Variants in FAM107B observed in about 807,000 individuals in gnomAD.
FAM107B encodes the protein protein FAM107B.
FAM107B carries 21 observed loss-of-function variants against 31.5 expected under a neutral mutation model. That is an observed-to-expected ratio of 0.67 (90% CI 0.47 to 0.96). The LOEUF (loss-of-function observed/expected upper bound fraction) is 0.96. FAM107B is among the 40% of genes least tolerant of loss of function. FAM107B has a pLI of 0.00. For missense variants in FAM107B, 452 were observed against 377.1 expected, an observed-to-expected ratio of 1.20 and a Z score of -1.64; for synonymous variants, 157 against 141.5, an observed-to-expected ratio of 1.11 and a Z score of -0.78.
intron 2 of FAM107B, chr10:14,604,188 T>C (rs1487811418): frequency 1.0e-6 from 1 of 973,852 alleles, no homozygotes; most frequent in African/African-American, 1.8e-5. Flanking sequence ...GCCGCCCGCC[T>C]CCCCGCGCCC....
At chr10:14,635,137 G>A (rs1222496045) in intron 2 of FAM107B, among the ~76,000 whole-genome samples, 2 of 147,034 alleles carry the variant, frequency 1.4e-5, no homozygotes, top group Non-Finnish European at 1.5e-5. Context: ...AAGGAAGGAA[G>A]GGAGGGAGGG....
chr10:14,770,696 T>C (rs1168836327), intron 1 of FAM107B, among the ~76,000 whole-genome samples: 2 of 152,152 alleles, frequency 1.3e-5, no homozygotes, highest in African/African-American at 4.8e-5. Context: ...AGGGTTGTTA[T>C]CACTTTGGTT....
intron 2 of FAM107B, among the ~76,000 whole-genome samples, chr10:14,616,039 A>C (rs1040257241): frequency 1.2e-3 from 177 of 152,344 alleles, no homozygotes; most frequent in African/African-American, 4.1e-3. Context: ...TCCTTCAAAC[A>C]TTTTGTAACA....
intron 1 of FAM107B, among the ~76,000 whole-genome samples, chr10:14,718,375 AGAAAGAAAG>A (rs201050989): frequency 0.013 from 2,008 of 149,840 alleles, 50 homozygotes; most frequent in African/African-American, 0.046. Context: ...GGGAAAGAAA[AGAAAGAAAG>A]GAAAGAAAGG....
chr10:14,712,254 T>C (rs1855666101), intron 1 of FAM107B, among the ~76,000 whole-genome samples: 1 of 152,130 alleles, frequency 6.6e-6, no homozygotes, highest in Non-Finnish European at 1.5e-5. Context: ...TATATACATC[T>C]ACTTTATACT....
chr10:14,743,995 T>C (rs773136947), intron 1 of FAM107B, among the ~76,000 whole-genome samples: 3 of 152,334 alleles, frequency 2.0e-5, no homozygotes, highest in African/African-American at 4.8e-5. Context: ...ATATGGAATG[T>C]TTTTCCATTT....
intron 2 of FAM107B, among the ~76,000 whole-genome samples, chr10:14,565,294 G>C (rs1185012290): frequency 1.3e-5 from 2 of 152,138 alleles, no homozygotes; most frequent in East Asian, 3.8e-4. Context: ...AGGAAGCCGA[G>C]GTCACCATGA....
At chr10:14,671,872 T>TAAAAAAAAAAAAAAAAAA (rs1294969542) in intron 1 of FAM107B, among the ~76,000 whole-genome samples, 1 of 33,538 alleles carries the variant, frequency 3.0e-5, no homozygotes, top group African/African-American at 6.7e-5. Flanking sequence ...CCCTTTTATT[T>TAAAAAAAAAAAAAAAAAA]AAAAAAAAAA....
At chr10:14,609,112 G>A (rs1588656438) in intron 2 of FAM107B, among the ~76,000 whole-genome samples, 1 of 152,210 alleles carries the variant, frequency 6.6e-6, no homozygotes, top group African/African-American at 2.4e-5. Context: ...ATAAGAAAAA[G>A]ATGGGGGAAA....
intron 1 of FAM107B, among the ~76,000 whole-genome samples, chr10:14,755,411 G>A (rs200927973): frequency 2.6e-5 from 4 of 151,694 alleles, no homozygotes; most frequent in African/African-American, 9.7e-5. Context: ...CATGATGGTG[G>A]GTGCCTGTAA....
intron 2 of FAM107B, among the ~76,000 whole-genome samples, chr10:14,651,853 G>GT (rs1564614497): frequency 6.6e-6 from 1 of 152,178 alleles, no homozygotes; most frequent in Non-Finnish European, 1.5e-5. Context: ...TGGTTTGGGT[G>GT]TAAGAGAATA....
intron 1 of FAM107B, among the ~76,000 whole-genome samples, chr10:14,697,291 C>G (rs927922030): frequency 3.3e-5 from 5 of 152,190 alleles, no homozygotes; most frequent in African/African-American, 7.2e-5. Context: ...CCCAACCCAG[C>G]CTTCTCCCAA....
intron 2 of FAM107B, among the ~76,000 whole-genome samples, chr10:14,626,535 G>A (rs1293671604): frequency 3.2e-5 from 4 of 125,384 alleles, no homozygotes; most frequent in South Asian, 4.9e-4. Context: ...ACAGAGTCTC[G>A]CTCTGTCGCC....
chr10:14,678,824 G>A (rs1854754741), intron 1 of FAM107B, among the ~76,000 whole-genome samples: 2 of 152,240 alleles, frequency 1.3e-5, no homozygotes, highest in South Asian at 4.1e-4. Flanking sequence ...TGAGTCCCTG[G>A]TGAATACAGG....
At chr10:14,726,261 G>T (rs560187211) in intron 1 of FAM107B, among the ~76,000 whole-genome samples, 1 of 152,262 alleles carries the variant, frequency 6.6e-6, no homozygotes, top group South Asian at 2.1e-4. Context: ...CCAAAGTACT[G>T]GGATTACAGG....
At chr10:14,658,130 A>G (rs1854118825) in intron 2 of FAM107B, among the ~76,000 whole-genome samples, 1 of 152,202 alleles carries the variant, frequency 6.6e-6, no homozygotes, top group Admixed American at 6.5e-5. Flanking sequence ...CTTGGGAAGA[A>G]TTTATACGAC....
chr10:14,611,042 C>T (rs988537319), intron 2 of FAM107B, among the ~76,000 whole-genome samples: 3 of 152,134 alleles, frequency 2.0e-5, no homozygotes, highest in African/African-American at 4.8e-5. Context: ...TCGAGAGAAA[C>T]AGCTGTTACT....
At chr10:14,583,648 A>G (rs1851728857) in intron 2 of FAM107B, among the ~76,000 whole-genome samples, 1 of 152,130 alleles carries the variant, frequency 6.6e-6, no homozygotes, top group Admixed American at 6.5e-5. Flanking sequence ...GGACGGAGGA[A>G]GAAGAAGAGG....
chr10:14,761,615 T>C (rs1167490716), intron 1 of FAM107B, among the ~76,000 whole-genome samples: 1 of 152,080 alleles, frequency 6.6e-6, no homozygotes, highest in Non-Finnish European at 1.5e-5. Context: ...CTTTTTTTTC[T>C]TTTTGCGACA....
Sources: allele counts gnomAD v4.1 joint callset (sites outside exome capture counted in the v4.1 genomes callset), GRCh38; gene constraint gnomAD v4.1.1; transcripts MANE v1.5; gene names NCBI Gene and HGNC (gene_info 2026-07-23, HGNC 2026-07-21).